CLIC6: variants seen among roughly 807,000 people sequenced by gnomAD.
CLIC6 encodes CLIC family member 6.
Under a neutral mutation model 49.2 loss-of-function variants are expected in CLIC6, and 39 were observed. The ratio of observed to expected loss-of-function variants is 0.79; its 90% CI spans 0.61 to 1.04. The LOEUF is 1.04. Among genes scored for constraint, CLIC6 ranks in the 50% least tolerant of loss-of-function variants. The probability of loss-of-function intolerance (pLI) is 0.00; values close to 1 mark genes in which losing one functional copy is unlikely to be tolerated. For missense variants in CLIC6, 988 were observed against 993.1 expected (o/e 0.99, Z 0.07); for synonymous variants, 446 against 433.4 (o/e 1.03, Z -0.36).
Position 34,670,583 on chromosome 21 carries a change from C to A in CLIC6, c.1195C>A (p.His399Asn). 6.6e-7 allele frequency: 1 copy of A among 1,526,496 alleles called. No homozygotes were observed. The highest frequency in any genetic ancestry group is 8.8e-7 in the Non-Finnish European group (1 of 1,137,272). 94.6% of individuals were successfully genotyped at this position (1,526,496 alleles called of 1,614,324 possible). The change falls in exon 1 of 6, where the codon CAT becomes AAT. Residue 399 changes from histidine to asparagine, a missense_variant. His to Asn is a moderately conservative substitution (Grantham distance 68, BLOSUM62 1). This residue lies in a region of CLIC6 where 647 missense variants were observed against 596.9 expected (regional missense o/e 1.08). Coordinates refer to ENST00000349499, the MANE Select transcript of CLIC6 (RefSeq NM_053277.3). The stretch of plus-strand genomic sequence containing the variant: ...AGAGGAATCCCCCGACAGCAGCCCA[C>A]ATGGGGAGGCCTCCAGGGGCGCCGC... ...GEEESPDSSP[H>N]GEASRGAAEP...
At chr21:34,707,897 C>A in intron 2 of CLIC6, 47 bp from the exon 3 acceptor site, 2 of 1,608,998 alleles carry the variant, frequency 1.2e-6, no homozygotes, top group South Asian at 1.1e-5. Context: ...GAAATGAGTC[C>A]AGATTCTCAC....
intron 5 of CLIC6, among the ~76,000 whole-genome samples, chr21:34,712,946 G>A (rs1440080532): frequency 6.6e-6 from 1 of 152,142 alleles, no homozygotes; most frequent in Non-Finnish European, 1.5e-5. Flanking sequence ...TCTCTCTGGG[G>A]CAGAGCAGTG....
intron 1 of CLIC6, among the ~76,000 whole-genome samples, chr21:34,696,546 C>T (rs952696319): frequency 2.0e-5 from 3 of 152,120 alleles, no homozygotes; most frequent in African/African-American, 4.8e-5. Context: ...TGCTTTGTGA[C>T]CTTGGACAAG....
At chr21:34,684,709 G>A (rs572147279) in intron 1 of CLIC6, among the ~76,000 whole-genome samples, 7 of 152,226 alleles carry the variant, frequency 4.6e-5, no homozygotes, top group Middle Eastern at 3.4e-3. Flanking sequence ...CTCTTTCTAC[G>A]GTAGGAGACT....
intron 5 of CLIC6, among the ~76,000 whole-genome samples, chr21:34,712,154 CA>C (rs1352840365): frequency 2.0e-5 from 3 of 152,148 alleles, no homozygotes; most frequent in Non-Finnish European, 4.4e-5. Flanking sequence ...GAAAAATCTG[CA>C]AGGCCATTTA....
chr21:34,705,145 CA>C (rs754453167), intron 1 of CLIC6, among the ~76,000 whole-genome samples: 8 of 152,234 alleles, frequency 5.3e-5, no homozygotes, highest in Non-Finnish European at 1.0e-4. Flanking sequence ...GAGAGGTTTA[CA>C]AGCTGCAGAG....
chr21:34,688,350 T>C (rs1989921590), intron 1 of CLIC6, among the ~76,000 whole-genome samples: 1 of 152,198 alleles, frequency 6.6e-6, no homozygotes, highest in South Asian at 2.1e-4. Context: ...TCGCTGTCTA[T>C]TTTTTCTCCC....
rs144628115 is a variant in CLIC6 at position 34,715,806 on chromosome 21, G to A, written c.1900-515G>A. 1.9e-4 allele frequency among the ~76,000 whole-genome samples: 29 copies of A among 152,260 alleles called. No individual in the cohort carries two copies. The East Asian group carries it at 4.1e-3, about 21-fold the overall frequency. ...TCATGAATCTCTCCTCCGCACAGGC[G>A]GGCCCCACGATCAGACGATGCTCTT... On this transcript the variant is annotated intron_variant, in intron 5 of 5. Transcript: ENST00000349499.
chr21:34,701,645 C>G (rs1390294947), intron 1 of CLIC6, among the ~76,000 whole-genome samples: 1 of 152,122 alleles, frequency 6.6e-6, no homozygotes, highest in Non-Finnish European at 1.5e-5. Flanking sequence ...AGTAGGGGGC[C>G]AAGGTTCCAA....
chr21:34,677,549 A>G (rs143215975), intron 1 of CLIC6, among the ~76,000 whole-genome samples: 415 of 152,346 alleles, frequency 2.7e-3, no homozygotes, highest in Non-Finnish European at 4.5e-3. Flanking sequence ...TCAAGGGCTC[A>G]GATTAGTTCC....
chr21:34,670,300 C>A lies in CLIC6; in HGVS notation c.912C>A (p.Leu304=). The change falls in exon 1 of 6, where the codon CTC becomes CTA. Residue 304 remains leucine, a synonymous_variant. Coordinates refer to ENST00000349499, the MANE Select transcript of CLIC6 (RefSeq NM_053277.3). ...CGCAGCAATCGGGGGACGGCAGCCT[C>A]TCGCCCCAGGCCGAGGCAATTGAGG... ...GEPQQSGDGS[L]SPQAEAIEVA... The A allele has an allele frequency of 6.9e-7, 1 of 1,444,324 alleles. No individual in the cohort carries two copies. The highest frequency in any genetic ancestry group is 2.7e-5 in the East Asian group (1 of 36,424). The allele number at this position is 1,444,324 out of a possible 1,614,324, so 89.5% of individuals were successfully genotyped here. A position where few individuals can be genotyped will look rare whatever the true frequency, so the allele number is the denominator to read the frequency against.
chr21:34,685,137 G>A (rs893377106), intron 1 of CLIC6, among the ~76,000 whole-genome samples: 2 of 152,284 alleles, frequency 1.3e-5, no homozygotes, highest in South Asian at 4.2e-4. Context: ...AGGGTGGGGG[G>A]TGGTGTGTAG....
chr21:34,696,799 C>T (rs758495539), intron 1 of CLIC6, among the ~76,000 whole-genome samples: 4 of 152,026 alleles, frequency 2.6e-5, no homozygotes, highest in Admixed American at 6.5e-5. Flanking sequence ...CTGGAATCTG[C>T]GATCTTCTTA....
At chr21:34,684,483 T>C (rs1372055746) in intron 1 of CLIC6, among the ~76,000 whole-genome samples, 2 of 152,370 alleles carry the variant, frequency 1.3e-5, no homozygotes, top group Non-Finnish European at 2.9e-5. Context: ...GATGGATGTA[T>C]GAATGACAGC....
In CLIC6 at chr21:34,716,776, C is replaced by A; in HGVS notation, c.*294C>A. The A allele has an allele frequency of 5.1e-6, 1 of 194,208 alleles. No homozygotes were observed. Among genetic ancestry groups the A allele is most frequent in the Non-Finnish European group, 1.0e-5 (1 of 95,898 alleles). 12.0% of individuals were successfully genotyped at this position (194,208 alleles called of 1,614,324 possible). ...TTTAACAATCGCCTTCAATTTTACT[C>A]CACTTAATTACCGAAAACTTACTGG... On this transcript the variant is annotated 3_prime_UTR_variant, in exon 6 of 6. Transcript: ENST00000349499.
chr21:34,713,475 G>T (rs1054350901), intron 5 of CLIC6, among the ~76,000 whole-genome samples: 1 of 152,202 alleles, frequency 6.6e-6, no homozygotes, highest in Non-Finnish European at 1.5e-5. Context: ...TGCTGAAATT[G>T]ATTTCCTCTG....
chr21:34,707,557 G>C (rs566626352), intron 2 of CLIC6, among the ~76,000 whole-genome samples, 168 bp downstream of exon 2: 65 of 152,162 alleles, frequency 4.3e-4, no homozygotes, highest in Non-Finnish European at 7.6e-4. Context: ...GTCATGACAG[G>C]GTCGGCTGGG....
chr21:34,709,758 T>A (rs2056043262), intron 5 of CLIC6, among the ~76,000 whole-genome samples: 1 of 152,234 alleles, frequency 6.6e-6, no homozygotes, highest in Non-Finnish European at 1.5e-5. Flanking sequence ...GGCCCCACCT[T>A]CTGCTTCTCT....
At chr21:34,690,394 T>C (rs1210916716) in intron 1 of CLIC6, among the ~76,000 whole-genome samples, 1 of 152,248 alleles carries the variant, frequency 6.6e-6, no homozygotes, top group Non-Finnish European at 1.5e-5. Flanking sequence ...GTAGAGAATA[T>C]ATTTTATCGC....
Sources: allele counts gnomAD v4.1 joint callset (sites outside exome capture counted in the v4.1 genomes callset), GRCh38; gene constraint gnomAD v4.1.1; regional missense constraint gnomAD v4.1.1; transcripts MANE v1.5; gene names NCBI Gene and HGNC (gene_info 2026-07-23, HGNC 2026-07-21).